Variants in UTRN observed in about 807,000 individuals in gnomAD.
UTRN encodes the protein utrophin, also known as dystrophin-related protein 1.
In UTRN, 283 loss-of-function variants were observed where a neutral mutation model predicts 463.9. That is an observed-to-expected ratio of 0.61 (90% CI 0.55 to 0.67). The LOEUF (loss-of-function observed/expected upper bound fraction) is 0.67. Ranked by LOEUF, UTRN falls within the 30% of genes least tolerant of loss-of-function variation. The pLI is 0.00. For synonymous variants in UTRN, 1,442 were observed against 1,431.5 expected, an observed-to-expected ratio of 1.01 and a Z score of -0.17; for missense variants, 3,922 against 4,084.3, an observed-to-expected ratio of 0.96 and a Z score of 1.08.
At chr6:144,628,350 G>A (rs1776159217) in intron 51 of UTRN, among the ~76,000 whole-genome samples, 1 of 152,066 alleles carries the variant, frequency 6.6e-6, no homozygotes, top group African/African-American at 2.4e-5. Context: ...TGAAAAATCT[G>A]TATGAATATA....
At chr6:144,785,613 T>A (rs1251184272) in intron 61 of UTRN, among the ~76,000 whole-genome samples, 1 of 152,176 alleles carries the variant, frequency 6.6e-6, no homozygotes, top group East Asian at 1.9e-4. Flanking sequence ...GTAAAAAAAA[T>A]TTATTTTCAT....
intron 62 of UTRN, among the ~76,000 whole-genome samples, chr6:144,790,423 A>G (rs772056857): frequency 7.2e-5 from 11 of 152,234 alleles, no homozygotes; most frequent in Non-Finnish European, 1.5e-4. Flanking sequence ...ACATTTTAAA[A>G]GCTTTTATTT....
chr6:144,832,350 A>T (rs1780738860), intron 69 of UTRN, among the ~76,000 whole-genome samples: 1 of 152,206 alleles, frequency 6.6e-6, no homozygotes, highest in African/African-American at 2.4e-5. Flanking sequence ...CAGATACCAT[A>T]ATGAAAGAAT....
chr6:144,840,838 T>C lies in UTRN; in HGVS notation c.10270+6T>C. The C allele has an allele frequency of 6.2e-7, 1 of 1,613,882 alleles. No homozygotes were observed. Among genetic ancestry groups the C allele is most frequent in the Non-Finnish European group, 8.5e-7 (1 of 1,179,936 alleles). On this transcript the variant is annotated splice_donor_region_variant and intron_variant, in intron 73 of 74. Transcript: ENST00000367545. ...CACGTTTCCATCTTGCTGCCGTGAG[T>C]ATGAAAGATTGCAGCACCACAGCTG...
At chr6:144,393,951 G>A (rs2114773282) in intron 2 of UTRN, among the ~76,000 whole-genome samples, 1 of 152,268 alleles carries the variant, frequency 6.6e-6, no homozygotes, top group South Asian at 2.1e-4. Flanking sequence ...GCTACCTGGA[G>A]ACTCTCCTGT....
chr6:144,590,103 TG>T, intron 51 of UTRN, among the ~76,000 whole-genome samples: 1 of 152,240 alleles, frequency 6.6e-6, no homozygotes, highest in African/African-American at 2.4e-5. Flanking sequence ...TCAAGCAATC[TG>T]CCTGCCTCGG....
In UTRN at chr6:144,550,977, G is replaced by C. The variant is rs1317229027; in HGVS notation, c.6823G>C (p.Asp2275His). Residue 2275 changes from aspartate (D) to histidine (H), a missense_variant, in exon 48 of 75, where the codon GAC becomes CAC. Around this residue, in one of 3 missense-constraint regions of UTRN, gnomAD observed 1,309 missense variants for 1,452.6 expected, o/e 0.90. Coordinates refer to ENST00000367545, the MANE Select transcript of UTRN (RefSeq NM_007124.3). ...TVSRMKITKA[D>H]LEQRHPQLDY... ...TTCTACTTAACAGATTACAAAGGCTGACTTAGAACAGCGCCATCCTCAGCT... is the reference window on the plus strand; with the variant it reads ...TTCTACTTAACAGATTACAAAGGCTCACTTAGAACAGCGCCATCCTCAGCT... The C allele has an allele frequency of 3.1e-6, 5 of 1,601,406 alleles. No homozygotes were observed. Among genetic ancestry groups the C allele is most frequent in the Non-Finnish European group, 4.2e-6 (5 of 1,176,692 alleles).
chr6:144,748,413 C>G lies in UTRN; in HGVS notation c.8107C>G (p.Leu2703Val). The G allele has an allele frequency of 1.9e-6, 3 of 1,613,906 alleles. No homozygotes were observed. The highest frequency in any genetic ancestry group is 1.1e-5 in the South Asian group (1 of 91,084). The change falls in exon 55 of 75, where the codon CTG becomes GTG. Residue 2703 changes from leucine (L) to valine (V), a missense_variant. Leu to Val is a conservative substitution (Grantham distance 32). This residue lies in a region of UTRN where 1,309 missense variants were observed against 1,452.6 expected (regional missense o/e 0.90). Coordinates refer to ENST00000367545, the MANE Select transcript of UTRN (RefSeq NM_007124.3). ...AGACCTGCAGGGAGCTATGGATGAC[C>G]TGGACGCTGACATGAAGGAGGCAGA... ...LRDLQGAMDD[L>V]DADMKEAESV...
chr6:144,382,762 G>A (rs1781045651), intron 2 of UTRN, among the ~76,000 whole-genome samples: 1 of 152,218 alleles, frequency 6.6e-6, no homozygotes, highest in Non-Finnish European at 1.5e-5. Flanking sequence ...GGTTAGCCCT[G>A]TGTCTGGCAC....
chr6:144,518,051 C>T (rs1182921829), intron 39 of UTRN, among the ~76,000 whole-genome samples: 3 of 152,186 alleles, frequency 2.0e-5, no homozygotes, highest in Non-Finnish European at 2.9e-5. Context: ...CAGGTTTGAA[C>T]GTGAAGTTAG....
At chr6:144,441,413 A>G (rs1787148525) in intron 13 of UTRN, among the ~76,000 whole-genome samples, 2 of 152,250 alleles carry the variant, frequency 1.3e-5, no homozygotes, top group Admixed American at 6.5e-5. Flanking sequence ...TGGGGTAGTC[A>G]AATCTTAAAG....
chr6:144,699,369 G>A (rs1448349015), intron 52 of UTRN, among the ~76,000 whole-genome samples: 1 of 151,312 alleles, frequency 6.6e-6, no homozygotes, highest in Non-Finnish European at 1.5e-5. Flanking sequence ...GAACCCAGGA[G>A]GCAGAGGTCG....
At chr6:144,651,967 C>T (rs12209795) in intron 51 of UTRN, among the ~76,000 whole-genome samples, 19,944 of 152,148 alleles carry the variant, frequency 0.13, 1,688 homozygotes, top group South Asian at 0.27. Context: ...CCTCACCCCC[C>T]TCCCACACTT....
chr6:144,612,095 A>G (rs1324199575), intron 51 of UTRN, among the ~76,000 whole-genome samples: 1 of 152,174 alleles, frequency 6.6e-6, no homozygotes, highest in East Asian at 1.9e-4. Flanking sequence ...CTGATTTTTG[A>G]CAAAGGTGCC....
intron 73 of UTRN, 127 bp from the exon 74 acceptor site, chr6:144,846,678 C>T: frequency 2.4e-6 from 3 of 1,247,660 alleles, no homozygotes; most frequent in Non-Finnish European, 2.3e-6. Flanking sequence ...TATTAGCATC[C>T]ATTTAACAAC....
Position 144,771,982 on chromosome 6 carries a change from A to T in UTRN, c.8557+14A>T, listed in dbSNP as rs201649870. 9.7e-4 allele frequency: 1,269 copies of T among 1,304,794 alleles called. 13 individuals are homozygous for T. The highest frequency in any genetic ancestry group is 8.4e-3 in the South Asian group (596 of 71,332). The allele number at this position is 1,304,794 out of a possible 1,614,324, so 80.8% of individuals were successfully genotyped here. A position where few individuals can be genotyped will look rare whatever the true frequency, so the allele number is the denominator to read the frequency against. On this transcript the variant is annotated intron_variant, in intron 59 of 74. Transcript: ENST00000367545. ...TTCAATCCCTTGGTAAGTGTTATTA[A>T]TAGTAATAAATTAACCTAAACAACT...
At chr6:144,475,238 T>G (rs1032534617) in intron 25 of UTRN, among the ~76,000 whole-genome samples, 2 of 152,152 alleles carry the variant, frequency 1.3e-5, no homozygotes, top group Admixed American at 1.3e-4. Flanking sequence ...TCAAATAGGA[T>G]GGTCAGGGAA....
chr6:144,520,138 C>T (rs577661096), intron 39 of UTRN, among the ~76,000 whole-genome samples: 10 of 152,240 alleles, frequency 6.6e-5, no homozygotes, highest in South Asian at 6.2e-4. Flanking sequence ...AGAAGGAAAA[C>T]GGGTCCCACT....
In UTRN at chr6:144,840,748, G is replaced by A. The variant is rs771159761; in HGVS notation, c.10186G>A (p.Asp3396Asn). Residue 3396 changes from aspartate (D) to asparagine (N), a missense_variant, in exon 73 of 75, where the codon GAC (aspartate) becomes AAC (asparagine). Physicochemically the swap from Asp to Asn is conservative, Grantham distance 23 (BLOSUM62 1). Transcript: ENST00000367545. ...GPQFHQAAGE[D>N]LLAPPHDTST... ...TTTATTTGCTGTCACAGCGGGAGAG[G>A]ACCTGCTGGCCCCACCGCACGACAC... The A allele has an allele frequency of 1.4e-5, 23 of 1,613,728 alleles. No individual in the cohort carries two copies. In the South Asian group the frequency reaches 2.0e-4, roughly 14 times the overall value.
Sources: gnomAD v4.1 joint callset for allele counts (sites outside exome capture counted in the v4.1 genomes callset) on GRCh38, gnomAD v4.1.1 for gene constraint, gnomAD v4.1.1 regional missense constraint, MANE v1.5 for transcripts, NCBI Gene and HGNC (gene_info 2026-07-23, HGNC 2026-07-21) for gene names.